LIMCH1: variants seen among roughly 807,000 people sequenced by gnomAD.
The protein encoded by LIMCH1 is LIM and calponin homology domains-containing protein 1.
LIMCH1 carries 113 observed loss-of-function variants against 176.5 expected under a neutral mutation model. The ratio of observed to expected loss-of-function variants is 0.64; its 90% CI spans 0.55 to 0.75. The LOEUF (loss-of-function observed/expected upper bound fraction) is 0.75, where lower values mean the gene tolerates loss of function less well. Among genes scored for constraint, LIMCH1 ranks in the 30% least tolerant of loss-of-function variants. The pLI is 0.00. For missense variants in LIMCH1, 1,674 were observed against 1,814.9 expected, an observed-to-expected ratio of 0.92 and a Z score of 1.41; for synonymous variants, 619 against 645.9, an observed-to-expected ratio of 0.96 and a Z score of 0.63.
intron 1 of LIMCH1, among the ~76,000 whole-genome samples, chr4:41,554,918 A>G (rs960937725): frequency 3.9e-5 from 6 of 152,226 alleles, no homozygotes; most frequent in African/African-American, 1.2e-4. Flanking sequence ...TTTGTGCTCT[A>G]CTTGCAGAAG....
chr4:41,491,957 G>A (rs537493054), intron 1 of LIMCH1, among the ~76,000 whole-genome samples: 107 of 151,156 alleles, frequency 7.1e-4, no homozygotes, highest in African/African-American at 1.4e-3. Context: ...CATCCCAGAC[G>A]ATGGGCGGCC....
chr4:41,378,974 T>A (rs1368941072), intron 1 of LIMCH1, among the ~76,000 whole-genome samples: 3 of 152,134 alleles, frequency 2.0e-5, no homozygotes, highest in Admixed American at 2.0e-4. Flanking sequence ...TAGGTGTAAA[T>A]AGTAGAAGGG....
intron 1 of LIMCH1, among the ~76,000 whole-genome samples, chr4:41,375,767 C>T (rs926810523): frequency 6.6e-6 from 1 of 152,232 alleles, no homozygotes; most frequent in Non-Finnish European, 1.5e-5. Flanking sequence ...CCCAGATTGG[C>T]ACAGCGCAGC....
Position 41,666,602 on chromosome 4 carries a change from A to G in LIMCH1, c.3333A>G (p.Thr1111=), listed in dbSNP as rs995115731. Reference sequence around the variant, plus strand: ...CTCCAGAACCCGAAGCAACGCTGACATTTCCATTTCTGGACAAAATGCCTG... The same window carrying G: ...CTCCAGAACCCGAAGCAACGCTGACGTTTCCATTTCTGGACAAAATGCCTG... ...PKSPEPEATL[T]FPFLDKMPEA... is the part of the protein sequence containing the mutation. Residue 1111 remains threonine, a synonymous_variant, in exon 21 of 32, where the codon ACA becomes ACG. Coordinates refer to ENST00000503057, the MANE Select transcript of LIMCH1 (RefSeq NM_001330672.2). 8 of 1,614,026 alleles carry G rather than the reference A, an allele frequency of 5.0e-6. No homozygotes were observed. In the South Asian group the frequency reaches 7.7e-5, roughly 16 times the overall value.
intron 4 of LIMCH1, chr4:41,613,051 C>A (rs2091641885): frequency 1.3e-6 from 2 of 1,552,150 alleles, no homozygotes; most frequent in Non-Finnish European, 1.7e-6. Flanking sequence ...ACCAGGGGCT[C>A]ATTCCCAGGA....
chr4:41,689,018 C>T (rs1181479131), intron 29 of LIMCH1: 1 of 153,082 alleles, frequency 6.5e-6, no homozygotes, highest in Non-Finnish European at 1.5e-5. Context: ...TAGATCTCAC[C>T]TCTCCGGGCC....
rs2067556660 is a variant in LIMCH1 at position 41,475,258 on chromosome 4, T to C, written c.97-19278T>C. Among the ~76,000 whole-genome samples, 3 of 152,248 alleles carry C rather than the reference T, an allele frequency of 2.0e-5. No homozygotes were observed. The South Asian group carries it at 6.2e-4, about 31-fold the overall frequency. ...AAGTTTAGAAGTATCTGAATGTTTATATAGTTACATGCTTTGTTTTCAATC... is the reference window on the plus strand; with the variant it reads ...AAGTTTAGAAGTATCTGAATGTTTACATAGTTACATGCTTTGTTTTCAATC... On this transcript the variant is annotated intron_variant, in intron 1 of 26. Transcript: ENST00000313860.
intron 2 of LIMCH1, among the ~76,000 whole-genome samples, chr4:41,496,151 C>T (rs1206721552): frequency 6.6e-6 from 1 of 152,188 alleles, no homozygotes; most frequent in Non-Finnish European, 1.5e-5. Context: ...TTCATGCAGA[C>T]CATGTTGGTT....
chr4:41,495,040 C>G (rs1046913456), intron 2 of LIMCH1, among the ~76,000 whole-genome samples: 3 of 152,190 alleles, frequency 2.0e-5, no homozygotes, highest in Non-Finnish European at 4.4e-5. Context: ...CTCACTTTGC[C>G]TGTTTCACTG....
intron 2 of LIMCH1, among the ~76,000 whole-genome samples, chr4:41,522,963 T>G (rs1051222850): frequency 6.6e-6 from 1 of 152,196 alleles, no homozygotes; most frequent in African/African-American, 2.4e-5. Context: ...ACAGCACTTG[T>G]GCACTCTGAG....
intron 9 of LIMCH1, 64 bp downstream of exon 9, chr4:41,629,798 A>G (rs1561991417): frequency 6.8e-7 from 1 of 1,461,870 alleles, no homozygotes; most frequent in Non-Finnish European, 9.0e-7. Flanking sequence ...GAAGGCATCA[A>G]ATGCTTATCT....
rs762449268 is a variant in LIMCH1, at chr4:41,467,947, C to T, written c.97-26589C>T. On this transcript the variant is annotated intron_variant, in intron 1 of 26. Transcript: ENST00000313860. ...TCATACAGCGTCACATATCAGAATT[C>T]AAAAGACGGTGCTTGCCTGATGCTT... Among the ~76,000 whole-genome samples the T allele has an allele frequency of 3.3e-5, 5 of 152,018 alleles. 1 individual carries two copies. Among genetic ancestry groups the T allele is most frequent in the Admixed American group, 2.6e-4 (4 of 15,278 alleles).
chr4:41,422,146 A>G (rs914041517), intron 1 of LIMCH1, among the ~76,000 whole-genome samples: 1 of 152,146 alleles, frequency 6.6e-6, no homozygotes, highest in Non-Finnish European at 1.5e-5. Flanking sequence ...ACTTTTCTCA[A>G]TGGTGCTGTC....
At chr4:41,427,032 G>C (rs926268590) in intron 1 of LIMCH1, among the ~76,000 whole-genome samples, 3 of 152,224 alleles carry the variant, frequency 2.0e-5, no homozygotes, top group Non-Finnish European at 4.4e-5. Context: ...GGCACAGAAA[G>C]AGACATACAA....
At position 41,565,331 on chromosome 4, in the gene LIMCH1, G is replaced by A. The variant is rs181881177; in HGVS notation, c.-241+26981G>A. On this transcript the variant is annotated intron_variant, in intron 1 of 31. Coordinates refer to ENST00000503057, the MANE Select transcript of LIMCH1 (RefSeq NM_001330672.2). ...GGCATCTTAGGAAAGATAGTTAGAA[G>A]TTAGCTATTTCGGATACACACACAC... is the stretch of plus-strand genomic sequence containing the variant. 8.2e-3 allele frequency among the ~76,000 whole-genome samples: 1,162 copies of A among 141,542 alleles called. 7 individuals are homozygous for A. The highest frequency in any genetic ancestry group is 0.014 in the Admixed American group (195 of 14,164). 92.9% of individuals were successfully genotyped at this position (141,542 alleles called of 152,430 possible).
At chr4:41,670,985 C>A (rs1230161814) in intron 21 of LIMCH1, 4 of 980,582 alleles carry the variant, frequency 4.1e-6, no homozygotes, top group Non-Finnish European at 4.8e-6. Context: ...AGAGGAATCA[C>A]ACAACTTTAT....
At chr4:41,434,312 A>G (rs2061868471) in intron 1 of LIMCH1, among the ~76,000 whole-genome samples, 1 of 152,206 alleles carries the variant, frequency 6.6e-6, no homozygotes, top group African/African-American at 2.4e-5. Context: ...GACATCAGCT[A>G]CAGATGTCCA....
At chr4:41,586,995 G>A (rs1268312024) in intron 1 of LIMCH1, among the ~76,000 whole-genome samples, 2 of 152,192 alleles carry the variant, frequency 1.3e-5, no homozygotes, top group Non-Finnish European at 2.9e-5. Context: ...GCTCTTCCAA[G>A]CAGAGTTAAT....
intron 1 of LIMCH1, among the ~76,000 whole-genome samples, chr4:41,454,969 T>C (rs2064378503): frequency 6.7e-6 from 1 of 149,236 alleles, no homozygotes; most frequent in Non-Finnish European, 1.5e-5. Context: ...TGTGTGTGTG[T>C]GTGTGTGTGT....
Sources: allele counts gnomAD v4.1 joint callset (sites outside exome capture counted in the v4.1 genomes callset), GRCh38; gene constraint gnomAD v4.1.1; transcripts MANE v1.5; gene names NCBI Gene and HGNC (gene_info 2026-07-23, HGNC 2026-07-21).